Variants in CCBE1 observed in about 807,000 individuals in gnomAD.
CCBE1 encodes the protein collagen and calcium binding EGF domains 1.
CCBE1 carries 37 observed loss-of-function variants against 50.0 expected under a neutral mutation model. The observed-to-expected ratio is 0.74, with a 90% CI of 0.57 to 0.97. CCBE1 has a LOEUF of 0.97. Among genes scored for constraint, CCBE1 ranks in the 50% least tolerant of loss-of-function variants. CCBE1 has a pLI of 0.00. For synonymous variants in CCBE1, 234 were observed against 203.7 expected (o/e 1.15, Z -1.27); for missense variants, 538 against 523.8 (o/e 1.03, Z -0.26).
At chr18:59,583,676 TGTGTGCGCGCGCGCGC>T (rs1411481562) in intron 2 of CCBE1, among the ~76,000 whole-genome samples, 1 of 68,884 alleles carries the variant, frequency 1.5e-5, no homozygotes, top group Non-Finnish European at 3.0e-5. Context: ...TGTGTGTGTG[TGTGTGCGCGCGCGCGC>T]GCGCGCGCGT....
At chr18:59,627,370 A>G (rs1313769532) in intron 2 of CCBE1, among the ~76,000 whole-genome samples, 1 of 152,246 alleles carries the variant, frequency 6.6e-6, no homozygotes, top group Non-Finnish European at 1.5e-5. Context: ...TTGCCAAAGC[A>G]GTATACTTCC....
chr18:59,474,762 C>A (rs755541188), intron 3 of CCBE1, among the ~76,000 whole-genome samples: 3 of 152,182 alleles, frequency 2.0e-5, no homozygotes, highest in African/African-American at 7.2e-5. Context: ...TTTAATCAAT[C>A]CTGTTTTCAC....
chr18:59,578,920 C>T (rs1010248582), intron 2 of CCBE1, among the ~76,000 whole-genome samples: 1 of 152,092 alleles, frequency 6.6e-6, no homozygotes, highest in Admixed American at 6.5e-5. Flanking sequence ...GCACATTCTG[C>T]ACATGTATCC....
At chr18:59,499,971 G>A (rs999115107) in intron 2 of CCBE1, among the ~76,000 whole-genome samples, 4 of 152,308 alleles carry the variant, frequency 2.6e-5, no homozygotes, top group Non-Finnish European at 4.4e-5. Context: ...TTGGACAACT[G>A]TGGAAAAAAC....
At chr18:59,665,405 C>T (rs2054340171) in intron 2 of CCBE1, among the ~76,000 whole-genome samples, 2 of 152,182 alleles carry the variant, frequency 1.3e-5, no homozygotes, top group South Asian at 4.1e-4. Context: ...AAGGAATCCA[C>T]AGGAATTTTT....
Position 59,432,603 on chromosome 18 carries a change from C to T in CCBE1, c.*3305G>A, listed in dbSNP as rs912644951. On this transcript the variant is annotated 3_prime_UTR_variant, in exon 11 of 11. Coordinates refer to ENST00000439986, the MANE Select transcript of CCBE1 (RefSeq NM_133459.4). Reference sequence around the variant, plus strand: ...TTGGGCATAAAAAGTACATATCAGTCTTGCAGTAGTCCAAGTTTTGAAAAT... The same window carrying T: ...TTGGGCATAAAAAGTACATATCAGTTTTGCAGTAGTCCAAGTTTTGAAAAT... 36 of 152,176 alleles carry T rather than the reference C, an allele frequency of 2.4e-4. No individual in the cohort carries two copies. The highest frequency in any genetic ancestry group is 8.7e-4 in the African/African-American group (36 of 41,438). The allele number at this position is 152,176 out of a possible 1,614,324, so 9.4% of individuals were successfully genotyped here.
chr18:59,536,357 C>G (rs1196361379), intron 2 of CCBE1, among the ~76,000 whole-genome samples: 1 of 152,194 alleles, frequency 6.6e-6, no homozygotes, highest in Non-Finnish European at 1.5e-5. Context: ...TCTCCTCCTC[C>G]TCTCCTTTTT....
intron 2 of CCBE1, among the ~76,000 whole-genome samples, chr18:59,611,374 T>G (rs1390401842): frequency 3.9e-5 from 6 of 152,170 alleles, no homozygotes; most frequent in African/African-American, 1.4e-4. Flanking sequence ...GGCCAAAGTT[T>G]TAGAAAGCAG....
At chr18:59,455,978 C>T (rs1159332597) in intron 5 of CCBE1, among the ~76,000 whole-genome samples, 1 of 152,234 alleles carries the variant, frequency 6.6e-6, no homozygotes, top group Non-Finnish European at 1.5e-5. Flanking sequence ...TCTTGTTCTT[C>T]CTGGCCCGTA....
intron 2 of CCBE1, among the ~76,000 whole-genome samples, chr18:59,583,455 G>C (rs140234989): frequency 1.3e-4 from 20 of 152,282 alleles, no homozygotes; most frequent in Admixed American, 3.9e-4. Flanking sequence ...AGGAGGTAGA[G>C]GGCAAAACTG....
At chr18:59,512,520 C>A (rs1205393432) in intron 2 of CCBE1, among the ~76,000 whole-genome samples, 2 of 152,264 alleles carry the variant, frequency 1.3e-5, no homozygotes, top group African/African-American at 4.8e-5. Context: ...GCCCTCAACT[C>A]ATCCATTAGA....
intron 2 of CCBE1, among the ~76,000 whole-genome samples, chr18:59,559,559 AAAG>A (rs1164461853): frequency 6.6e-6 from 1 of 152,240 alleles, no homozygotes; most frequent in Non-Finnish European, 1.5e-5. Context: ...ATTCCGGTTC[AAAG>A]AATACCTGTT....
chr18:59,611,075 G>T (rs7230920), intron 2 of CCBE1, among the ~76,000 whole-genome samples: 62,274 of 152,110 alleles, frequency 0.41, 13,161 homozygotes, highest in East Asian at 0.65. Flanking sequence ...AACAGCATGC[G>T]TTGCTTTCAA....
At chr18:59,473,322 C>T (rs750550609) in intron 3 of CCBE1, among the ~76,000 whole-genome samples, 5 of 152,130 alleles carry the variant, frequency 3.3e-5, no homozygotes, top group Admixed American at 6.5e-5. Context: ...TTCAATGCTG[C>T]TGCAGGGAAG....
At chr18:59,556,979 TTG>T (rs5825347) in intron 2 of CCBE1, among the ~76,000 whole-genome samples, 73,110 of 151,856 alleles carry the variant, frequency 0.48, 18,349 homozygotes, top group Non-Finnish European at 0.56. Flanking sequence ...CAGGGGTATC[TTG>T]TGTGTGATTT....
intron 2 of CCBE1, among the ~76,000 whole-genome samples, chr18:59,502,555 A>G (rs774700544): frequency 1.3e-5 from 2 of 152,136 alleles, no homozygotes; most frequent in African/African-American, 4.8e-5. Flanking sequence ...GCACACTTTC[A>G]ATTATTTATC....
intron 2 of CCBE1, chr18:59,563,704 T>C (rs2052776549): frequency 1.3e-5 from 2 of 152,180 alleles, no homozygotes; most frequent in Admixed American, 1.3e-4. Flanking sequence ...TCATAAAAGA[T>C]GATCAGAAGC....
chr18:59,670,376 G>C (rs2054415591), intron 2 of CCBE1, among the ~76,000 whole-genome samples: 2 of 152,298 alleles, frequency 1.3e-5, no homozygotes, highest in East Asian at 3.9e-4. Context: ...GAAGGAATAA[G>C]AAAGTGGGAT....
chr18:59,438,943 A>G (rs2143615568), intron 9 of CCBE1, among the ~76,000 whole-genome samples: 1 of 152,202 alleles, frequency 6.6e-6, no homozygotes, highest in South Asian at 2.1e-4. Context: ...TGGGGTCAGG[A>G]GTTTAAGGCC....
Sources: allele counts gnomAD v4.1 joint callset (sites outside exome capture counted in the v4.1 genomes callset), GRCh38; gene constraint gnomAD v4.1.1; transcripts MANE v1.5; gene names NCBI Gene and HGNC (gene_info 2026-07-23, HGNC 2026-07-21).